Variants in CCDC178 observed in about 807,000 individuals in gnomAD.
The protein encoded by CCDC178 is coiled-coil domain-containing protein 178.
Under a neutral mutation model 117.4 loss-of-function variants are expected in CCDC178, and 126 were observed. That is an observed-to-expected ratio of 1.07 (90% CI 0.93 to 1.24). The LOEUF (loss-of-function observed/expected upper bound fraction) is 1.24. Among genes scored for constraint, CCDC178 ranks in the 50% most tolerant of loss-of-function variants. CCDC178 has a pLI of 0.00. For missense variants in CCDC178, 1,030 were observed against 986.9 expected, an observed-to-expected ratio of 1.04 and a Z score of -0.59; for synonymous variants, 283 against 313.4, an observed-to-expected ratio of 0.90 and a Z score of 1.02.
chr18:32,970,547 G>A (rs1052260686), intron 22 of CCDC178, among the ~76,000 whole-genome samples: 2 of 151,920 alleles, frequency 1.3e-5, no homozygotes, highest in African/African-American at 4.8e-5. Context: ...AAAACCAATA[G>A]CATCTGGTCT....
At position 33,346,330 on chromosome 18, in the gene CCDC178, T is replaced by C; in HGVS notation, c.539A>G (p.Asp180Gly). The change falls in exon 9 of 23, where the codon GAC becomes GGC. Residue 180 changes from aspartate (D) to glycine (G), a missense_variant. Physicochemically the swap from Asp to Gly is moderately conservative, Grantham distance 94. Coordinates refer to ENST00000383096, the MANE Select transcript of CCDC178 (RefSeq NM_001105528.4). ...TAAAGCTTCTTCAGCGTCTGCCCGG[T>C]CAGTTTCTAGACTTTTAATGAGACG... is the stretch of plus-strand genomic sequence containing the variant. ...AIRLIKSLET[D>G]RADAEEALKQ... 6.2e-7 allele frequency: 1 copy of C among 1,613,652 alleles called. No homozygotes were observed. Among genetic ancestry groups the C allele is most frequent in the Non-Finnish European group, 8.5e-7 (1 of 1,179,612 alleles).
chr18:33,099,026 T>C (rs932733981), intron 20 of CCDC178, among the ~76,000 whole-genome samples: 1 of 151,982 alleles, frequency 6.6e-6, no homozygotes, highest in Non-Finnish European at 1.5e-5. Context: ...CCACAAACGT[T>C]AGTATATATC....
At chr18:33,159,532 C>T (rs895847540) in intron 20 of CCDC178, among the ~76,000 whole-genome samples, 92 of 152,224 alleles carry the variant, frequency 6.0e-4, no homozygotes, top group African/African-American at 2.1e-3. Flanking sequence ...CCCCAAATCA[C>T]GTCTCACTTT....
intron 20 of CCDC178, among the ~76,000 whole-genome samples, chr18:33,128,764 C>A (rs962481064): frequency 6.6e-6 from 1 of 152,132 alleles, no homozygotes; most frequent in Non-Finnish European, 1.5e-5. Flanking sequence ...CATTTTACCC[C>A]GCACCAGGAA....
chr18:33,085,822 GA>G (rs1216915487), intron 21 of CCDC178, among the ~76,000 whole-genome samples: 4 of 151,580 alleles, frequency 2.6e-5, no homozygotes, highest in Non-Finnish European at 5.9e-5. Context: ...AAATTTTGAA[GA>G]AAAAAGAAAT....
intron 9 of CCDC178, among the ~76,000 whole-genome samples, chr18:33,342,990 T>G (rs2144665501): frequency 6.6e-6 from 1 of 152,336 alleles, no homozygotes; most frequent in South Asian, 2.1e-4. Context: ...GATTACACCC[T>G]TTCTGTCTCA....
At chr18:32,944,833 A>T (rs1175632247) in intron 22 of CCDC178, among the ~76,000 whole-genome samples, 1 of 152,020 alleles carries the variant, frequency 6.6e-6, no homozygotes, top group Non-Finnish European at 1.5e-5. Context: ...ACTAGATCTG[A>T]TGGTTTTATA....
At chr18:33,029,050 T>C (rs1036766993) in intron 21 of CCDC178, among the ~76,000 whole-genome samples, 1 of 151,934 alleles carries the variant, frequency 6.6e-6, no homozygotes, top group African/African-American at 2.4e-5. Flanking sequence ...TTGGGAAGTG[T>C]CCCTTGCTCT....
At chr18:33,070,476 T>C (rs961304379) in intron 21 of CCDC178, among the ~76,000 whole-genome samples, 4 of 151,996 alleles carry the variant, frequency 2.6e-5, no homozygotes, top group Admixed American at 2.0e-4. Flanking sequence ...ATTGTTCTCA[T>C]GGAGGGAAAG....
intron 20 of CCDC178, among the ~76,000 whole-genome samples, chr18:33,196,099 T>C (rs959630269): frequency 6.6e-6 from 1 of 152,160 alleles, no homozygotes. Flanking sequence ...ACATATTAGG[T>C]TGGTGCAAAA....
chr18:32,994,556 T>C (rs1037891818), intron 21 of CCDC178, among the ~76,000 whole-genome samples: 2 of 152,190 alleles, frequency 1.3e-5, no homozygotes, highest in Non-Finnish European at 2.9e-5. Flanking sequence ...TTTTAAGTAA[T>C]GAAATTCAAA....
intron 21 of CCDC178, among the ~76,000 whole-genome samples, chr18:33,055,593 T>C (rs759804823): frequency 2.6e-5 from 4 of 152,116 alleles, no homozygotes; most frequent in Non-Finnish European, 5.9e-5. Flanking sequence ...TCTCCCAAAG[T>C]GCTGGGATTA....
chr18:33,147,144 T>TC (rs954392685), intron 20 of CCDC178, among the ~76,000 whole-genome samples: 11 of 149,126 alleles, frequency 7.4e-5, no homozygotes, highest in South Asian at 6.3e-4. Context: ...CTGATTTCTT[T>TC]TTTTTTTTTT....
At chr18:33,190,575 C>G (rs1468612753) in intron 20 of CCDC178, among the ~76,000 whole-genome samples, 1 of 152,136 alleles carries the variant, frequency 6.6e-6, no homozygotes, top group African/African-American at 2.4e-5. Flanking sequence ...ATGAAAAAAG[C>G]TTATACATTC....
chr18:33,356,225 G>T, intron 7 of CCDC178, 99 bp downstream of exon 7: 2 of 1,212,590 alleles, frequency 1.6e-6, no homozygotes, highest in Non-Finnish European at 1.1e-6. Flanking sequence ...TCTTGCATTC[G>T]ATTTTCTATT....
At chr18:32,999,034 G>A (rs1055151338) in intron 21 of CCDC178, among the ~76,000 whole-genome samples, 1 of 152,044 alleles carries the variant, frequency 6.6e-6, no homozygotes, top group African/African-American at 2.4e-5. Context: ...GTGGACAACT[G>A]GGGTTCCCAA....
chr18:33,428,400 TGAGA>T (rs1247889568), intron 2 of CCDC178, among the ~76,000 whole-genome samples: 1 of 152,100 alleles, frequency 6.6e-6, no homozygotes, highest in Non-Finnish European at 1.5e-5. Context: ...CCTAAAGCAC[TGAGA>T]GGTTAAACCA....
At chr18:33,299,502 A>AAAAC (rs1555680150) in intron 11 of CCDC178, among the ~76,000 whole-genome samples, 1 of 146,100 alleles carries the variant, frequency 6.8e-6, no homozygotes, top group South Asian at 2.2e-4. Context: ...AACTAGTATA[A>AAAAC]ACACACACAC....
intron 19 of CCDC178, among the ~76,000 whole-genome samples, chr18:33,212,948 A>G (rs1341870791): frequency 6.6e-6 from 1 of 152,004 alleles, no homozygotes. Context: ...GTCTTATTCT[A>G]TCCACATTAG....
Sources: gnomAD v4.1 joint callset for allele counts (sites outside exome capture counted in the v4.1 genomes callset) on GRCh38, gnomAD v4.1.1 for gene constraint, MANE v1.5 for transcripts, NCBI Gene and HGNC (gene_info 2026-07-23, HGNC 2026-07-21) for gene names.